SH3KBP1: variants seen among roughly 807,000 people sequenced by gnomAD.
SH3KBP1 encodes the protein SH3 domain containing kinase binding protein 1, also known as SH3 domain-containing kinase-binding protein 1.
SH3KBP1 carries 8 observed loss-of-function variants against 50.1 expected under a neutral mutation model. That is an observed-to-expected ratio of 0.16 (90% CI 0.09 to 0.29). SH3KBP1 has a LOEUF of 0.29. Ranked by LOEUF, SH3KBP1 falls within the 10% of genes least tolerant of loss-of-function variation. The probability of loss-of-function intolerance (pLI) is 1.00; values close to 1 mark genes in which losing one functional copy is unlikely to be tolerated. For missense variants in SH3KBP1, 377 were observed against 535.2 expected, an observed-to-expected ratio of 0.70 and a Z score of 2.92; for synonymous variants, 227 against 218.6, an observed-to-expected ratio of 1.04 and a Z score of -0.34.
At chrX:19,733,615 T>A (rs2064444544) in intron 3 of SH3KBP1, among the ~76,000 whole-genome samples, 1 of 110,976 alleles carries the variant, frequency 9.0e-6, no homozygotes, top group Admixed American at 9.6e-5. Context: ...AGCTAGGTGA[T>A]AATTTATTCA....
rs1033293181 is a variant in SH3KBP1, at chrX:19,542,166, G to A, written c.1651C>T (p.Pro551Ser). The change falls in exon 16 of 18, where the codon CCC (proline) becomes TCC (serine). Residue 551 changes from proline (P) to serine (S), a missense_variant. Pro to Ser is a moderately conservative substitution (Grantham distance 74). Transcript: ENST00000397821. ...QVSDNKASLPPKPGTMAAGGG... is the reference protein window; with the variant it reads ...QVSDNKASLPSKPGTMAAGGG... Reference sequence around the variant, plus strand: ...CCTGCTGCCATGGTCCCCGGCTTGGGCGGCAGGGATGCTTTGTTGTCAGAC... The same window carrying A: ...CCTGCTGCCATGGTCCCCGGCTTGGACGGCAGGGATGCTTTGTTGTCAGAC... 5 of 1,185,384 alleles carry A rather than the reference G, an allele frequency of 4.2e-6. No individual in the cohort carries two copies. The highest frequency in any genetic ancestry group is 3.5e-5 in the African/African-American group (2 of 56,470).
chrX:19,864,290 TC>T (rs1200056089), intron 1 of SH3KBP1, among the ~76,000 whole-genome samples: 1 of 110,667 alleles, frequency 9.0e-6, no homozygotes, highest in Non-Finnish European at 1.9e-5. Flanking sequence ...GAAAACAAAG[TC>T]CCTGGTGTGG....
At chrX:19,697,135 C>T (rs1011905520) in intron 4 of SH3KBP1, among the ~76,000 whole-genome samples, 1 of 111,765 alleles carries the variant, frequency 8.9e-6, no homozygotes, top group African/African-American at 3.3e-5. Flanking sequence ...CTAGGCTGAG[C>T]TATGCTGTTT....
chrX:19,848,439 G>A (rs2068418784), intron 1 of SH3KBP1, among the ~76,000 whole-genome samples: 1 of 112,406 alleles, frequency 8.9e-6, no homozygotes, highest in African/African-American at 3.2e-5. Flanking sequence ...AACAATAACT[G>A]GATTGAAAGA....
chrX:19,666,750 C>T (rs1378459757), intron 6 of SH3KBP1, among the ~76,000 whole-genome samples: 4 of 111,345 alleles, frequency 3.6e-5, no homozygotes, highest in South Asian at 3.8e-4. Context: ...AGACTTCCAC[C>T]GAGTGAAACA....
chrX:19,689,557 A>T (rs1002639030), intron 5 of SH3KBP1, among the ~76,000 whole-genome samples: 23 of 111,848 alleles, frequency 2.1e-4, no homozygotes, highest in Non-Finnish European at 4.1e-4. Flanking sequence ...ATTGGCAGCA[A>T]GGCAATTTGA....
intron 6 of SH3KBP1, among the ~76,000 whole-genome samples, chrX:19,682,745 T>C (rs1602991858): frequency 9.1e-6 from 1 of 110,230 alleles, no homozygotes; most frequent in East Asian, 2.8e-4. Context: ...GCCTGACTCA[T>C]CTCTAGAGGG....
intron 1 of SH3KBP1, among the ~76,000 whole-genome samples, chrX:19,861,254 G>T (rs1014671355): frequency 9.1e-6 from 1 of 109,512 alleles, no homozygotes; most frequent in Non-Finnish European, 1.9e-5. Flanking sequence ...GCAGGCACCT[G>T]TAGTCCCAGC....
At chrX:19,802,281 G>T (rs949604345) in intron 2 of SH3KBP1, among the ~76,000 whole-genome samples, 2 of 111,027 alleles carry the variant, frequency 1.8e-5, no homozygotes, top group Non-Finnish European at 3.8e-5. Context: ...TGTAGTCCCA[G>T]CTACTCGAGA....
At chrX:19,578,960 C>T (rs1410652415) in intron 12 of SH3KBP1, among the ~76,000 whole-genome samples, 2 of 111,513 alleles carry the variant, frequency 1.8e-5, no homozygotes, top group Non-Finnish European at 3.8e-5. Flanking sequence ...CACATACTCA[C>T]CTGGTAGCCA....
At chrX:19,576,764 C>A (rs1301589648) in intron 12 of SH3KBP1, among the ~76,000 whole-genome samples, 17 of 112,096 alleles carry the variant, frequency 1.5e-4, no homozygotes, top group Non-Finnish European at 3.2e-4. Context: ...CCTTGAGGTA[C>A]CTACTATGCG....
chrX:19,802,908 G>C (rs182775508), intron 2 of SH3KBP1, among the ~76,000 whole-genome samples: 9 of 111,312 alleles, frequency 8.1e-5, no homozygotes, highest in Non-Finnish European at 1.3e-4. Context: ...TTTCTCTTTC[G>C]GGAAGGGCAC....
Position 19,583,355 on chromosome X carries a change from A to G in SH3KBP1, c.1298+5288T>C, listed in dbSNP as rs769752796. ...TTTTTAGTAGAGACAGGGTTTCACC[A>G]TGTTGGCCAGGCTGGTCTCAAACTC... On this transcript the variant is annotated intron_variant, in intron 12 of 17. Coordinates refer to ENST00000397821, the MANE Select transcript of SH3KBP1 (RefSeq NM_031892.3). Among the ~76,000 whole-genome samples, 182 of 109,605 alleles carry G rather than the reference A, an allele frequency of 1.7e-3. 1 individual carries two copies. The highest frequency in any genetic ancestry group is 5.8e-3 in the African/African-American group (175 of 30,270).
chrX:19,671,090 T>C (rs1451330791), intron 6 of SH3KBP1: 2 of 899,788 alleles, frequency 2.2e-6, no homozygotes, highest in Non-Finnish European at 2.9e-6. Flanking sequence ...GAAGTCCTCC[T>C]CCCTCGCCTA....
At chrX:19,623,241 A>G (rs2067901626) in intron 8 of SH3KBP1, among the ~76,000 whole-genome samples, 1 of 111,353 alleles carries the variant, frequency 9.0e-6, no homozygotes, top group African/African-American at 3.3e-5. Context: ...ATATGGAAAA[A>G]GTCTGAAAGA....
chrX:19,683,804 T>C lies in SH3KBP1; in HGVS notation c.726+19A>G. ...TATTCCACATTAAGTTGAAATCAAA[T>C]AGAAACTGTCGAACATACCTTTTCT... On this transcript the variant is annotated intron_variant, in intron 6 of 17. Transcript: ENST00000397821. 1 of 1,192,691 alleles carries C rather than the reference T, an allele frequency of 8.4e-7. No individual in the cohort carries two copies. Among genetic ancestry groups the C allele is most frequent in the Non-Finnish European group, 1.1e-6 (1 of 878,034 alleles).
rs1169013925 is a variant in SH3KBP1, at chrX:19,618,385, C to CAAAAA, written c.898-10345_898-10341dup. Among the ~76,000 whole-genome samples the CAAAAA allele has an allele frequency of 5.1e-3, 92 of 18,198 alleles. 5 individuals are homozygous for CAAAAA. Among genetic ancestry groups the CAAAAA allele is most frequent in the African/African-American group, 0.014 (86 of 6,060 alleles). 15.8% of individuals were successfully genotyped at this position (18,198 alleles called of 115,157 possible). A position where few individuals can be genotyped will look rare whatever the true frequency, so the allele number is the denominator to read the frequency against. On this transcript the variant is annotated intron_variant, in intron 8 of 17. Coordinates refer to ENST00000397821, the MANE Select transcript of SH3KBP1 (RefSeq NM_031892.3). ...GGTGACAGACTGCGAGACTCTGTCTCAAAAAAAAAAAAAAAAAAAAAAAAA... is the reference window on the plus strand; with the variant it reads ...GGTGACAGACTGCGAGACTCTGTCTCAAAAAAAAAAAAAAAAAAAAAAAAAAAAAA...
intron 1 of SH3KBP1, among the ~76,000 whole-genome samples, chrX:19,838,609 C>A (rs1603274637): frequency 8.9e-6 from 1 of 111,789 alleles, no homozygotes; most frequent in South Asian, 3.7e-4. Flanking sequence ...GGAGAGCTGG[C>A]CGGGCACGGT....
intron 6 of SH3KBP1, among the ~76,000 whole-genome samples, chrX:19,681,146 A>T (rs1267340868): frequency 8.9e-6 from 1 of 112,212 alleles, no homozygotes; most frequent in Admixed American, 9.4e-5. Flanking sequence ...TACTTTGAGA[A>T]TCATATTGGT....
Sources: gnomAD v4.1 joint callset for allele counts (sites outside exome capture counted in the v4.1 genomes callset) on GRCh38, gnomAD v4.1.1 for gene constraint, MANE v1.5 for transcripts, NCBI Gene and HGNC (gene_info 2026-07-23, HGNC 2026-07-21) for gene names.